Variants in CDH13 observed in about 807,000 individuals in gnomAD.
CDH13 encodes the protein cadherin 13.
CDH13 carries 24 observed loss-of-function variants against 63.8 expected under a neutral mutation model. The observed-to-expected ratio is 0.38, with a 90% CI of 0.27 to 0.53. The LOEUF (loss-of-function observed/expected upper bound fraction) is 0.53, where lower values mean the gene tolerates loss of function less well. Ranked by LOEUF, CDH13 falls within the 20% of genes least tolerant of loss-of-function variation. The probability of loss-of-function intolerance (pLI) is 0.85; values close to 1 mark genes in which losing one functional copy is unlikely to be tolerated. For synonymous variants in CDH13, 503 were observed against 355.3 expected, an observed-to-expected ratio of 1.42 and a Z score of -4.67; for missense variants, 1,049 against 903.1, an observed-to-expected ratio of 1.16 and a Z score of -2.07.
At position 82,898,163 on chromosome 16, in the gene CDH13, C is replaced by T. The variant is rs117993804; in HGVS notation, c.157+39690C>T. Among the ~76,000 whole-genome samples, 41 of 152,258 alleles carry T rather than the reference C, an allele frequency of 2.7e-4. 1 individual carries two copies. The highest frequency in any genetic ancestry group is 1.7e-3 in the East Asian group (9 of 5,182). ...TAGTTTTTGGTCATATAATGTTAAA[C>T]GAAACATATTGTTAAAATTAATTCC... On this transcript the variant is annotated intron_variant, in intron 2 of 13. Coordinates refer to ENST00000567109, the MANE Select transcript of CDH13 (RefSeq NM_001257.5).
At chr16:82,847,546 C>T (rs750868882) in intron 1 of CDH13, among the ~76,000 whole-genome samples, 6 of 152,202 alleles carry the variant, frequency 3.9e-5, no homozygotes, top group African/African-American at 1.4e-4. Context: ...TTCAAAGATA[C>T]CTGTGATTAC....
At chr16:82,659,263 C>T (rs901327556) in intron 1 of CDH13, among the ~76,000 whole-genome samples, 1 of 152,204 alleles carries the variant, frequency 6.6e-6, no homozygotes, top group African/African-American at 2.4e-5. Context: ...GTTTAGAATG[C>T]TTGCCAGCAG....
intron 1 of CDH13, among the ~76,000 whole-genome samples, chr16:82,684,178 C>T (rs1408981797): frequency 6.6e-6 from 1 of 152,220 alleles, no homozygotes; most frequent in Non-Finnish European, 1.5e-5. Flanking sequence ...GGTTTTGACA[C>T]CTGAAGACAT....
chr16:83,055,573 A>G (rs2030840202), intron 3 of CDH13, among the ~76,000 whole-genome samples: 1 of 152,012 alleles, frequency 6.6e-6, no homozygotes, highest in Non-Finnish European at 1.5e-5. Flanking sequence ...AAAAAGAAAT[A>G]TAAAATCTGG....
chr16:82,742,024 C>G (rs1158584572), intron 1 of CDH13, among the ~76,000 whole-genome samples: 1 of 152,122 alleles, frequency 6.6e-6, no homozygotes, highest in Non-Finnish European at 1.5e-5. Flanking sequence ...TTGAAACACT[C>G]TAAATTTCTT....
At chr16:82,844,060 A>G (rs1248592206) in intron 1 of CDH13, among the ~76,000 whole-genome samples, 2 of 152,196 alleles carry the variant, frequency 1.3e-5, no homozygotes, top group Admixed American at 1.3e-4. Context: ...TGGTCCCGTA[A>G]TAAGTCTACA....
intron 5 of CDH13, among the ~76,000 whole-genome samples, chr16:83,319,791 C>G (rs960234075): frequency 2.0e-5 from 3 of 152,118 alleles, no homozygotes; most frequent in African/African-American, 7.2e-5. Context: ...ACAGGGAAAG[C>G]TTGAATGGGC....
chr16:83,127,922 C>A lies in CDH13; in HGVS notation c.483+2421C>A, dbSNP rs190847441. ...AGCTGCTCTAAAGGGATAGCCCTGT[C>A]CCCTTGGGCAGCCCTAGCCACTGTG... is the stretch of plus-strand genomic sequence containing the variant. On this transcript the variant is annotated intron_variant, in intron 4 of 13. Coordinates refer to ENST00000567109, the MANE Select transcript of CDH13 (RefSeq NM_001257.5). Among the ~76,000 whole-genome samples, 647 of 152,262 alleles carry A rather than the reference C, an allele frequency of 4.2e-3. 10 individuals carry two copies. The highest frequency in any genetic ancestry group is 0.015 in the African/African-American group (622 of 41,550).
intron 2 of CDH13, among the ~76,000 whole-genome samples, chr16:83,019,406 A>T (rs1320050259): frequency 6.6e-6 from 1 of 151,990 alleles, no homozygotes; most frequent in East Asian, 1.9e-4. Flanking sequence ...GGGTTATAAC[A>T]CGCATGGAGC....
At chr16:83,576,266 C>T (rs1405541564) in intron 7 of CDH13, among the ~76,000 whole-genome samples, 1 of 152,230 alleles carries the variant, frequency 6.6e-6, no homozygotes, top group Non-Finnish European at 1.5e-5. Context: ...CAATCTGTGA[C>T]ATTTTCGTGT....
chr16:83,324,791 A>G, intron 5 of CDH13, among the ~76,000 whole-genome samples: 1 of 152,202 alleles, frequency 6.6e-6, no homozygotes, highest in East Asian at 1.9e-4. Flanking sequence ...ATCATATCAT[A>G]TGCTCACTCT....
chr16:82,946,647 G>C (rs1904748769), intron 2 of CDH13, among the ~76,000 whole-genome samples: 1 of 152,088 alleles, frequency 6.6e-6, no homozygotes, highest in Non-Finnish European at 1.5e-5. Flanking sequence ...CTTGAAACCA[G>C]GAGGTGGAGG....
chr16:82,669,881 T>G (rs1913034892), intron 1 of CDH13, among the ~76,000 whole-genome samples: 1 of 152,254 alleles, frequency 6.6e-6, no homozygotes, highest in Admixed American at 6.5e-5. Flanking sequence ...GCTTATGTGC[T>G]AAATATTTCT....
chr16:83,254,631 T>C (rs1333681677), intron 5 of CDH13, among the ~76,000 whole-genome samples: 2 of 152,162 alleles, frequency 1.3e-5, no homozygotes, highest in Non-Finnish European at 2.9e-5. Flanking sequence ...TTATTGTGCT[T>C]AGTTGTGCAA....
chr16:83,280,746 A>G (rs986762925), intron 5 of CDH13, among the ~76,000 whole-genome samples: 1 of 152,170 alleles, frequency 6.6e-6, no homozygotes, highest in Admixed American at 6.5e-5. Flanking sequence ...AGTCAAAATT[A>G]CTCCTTGATC....
At chr16:83,038,254 C>G (rs1407869641) in intron 3 of CDH13, among the ~76,000 whole-genome samples, 1 of 152,148 alleles carries the variant, frequency 6.6e-6, no homozygotes, top group African/African-American at 2.4e-5. Context: ...TTATTTTTAC[C>G]TGCTACTTAT....
At chr16:82,775,916 AG>A (rs1296457471) in intron 1 of CDH13, among the ~76,000 whole-genome samples, 1 of 152,202 alleles carries the variant, frequency 6.6e-6, no homozygotes, top group Non-Finnish European at 1.5e-5. Flanking sequence ...GCAGTAAGAA[AG>A]GGCACTATCA....
At chr16:82,791,273 C>A (rs1333945607) in intron 1 of CDH13, among the ~76,000 whole-genome samples, 4 of 150,650 alleles carry the variant, frequency 2.7e-5, no homozygotes, top group Non-Finnish European at 5.9e-5. Flanking sequence ...CTAAGCCTAG[C>A]TGGGGAAGGT....
chr16:82,913,493 A>G (rs1008057407), intron 2 of CDH13, among the ~76,000 whole-genome samples: 7 of 152,138 alleles, frequency 4.6e-5, no homozygotes, highest in African/African-American at 1.4e-4. Context: ...CCAGGCCACA[A>G]CTATTTTACT....
Sources: allele counts gnomAD v4.1 joint callset (sites outside exome capture counted in the v4.1 genomes callset), GRCh38; gene constraint gnomAD v4.1.1; transcripts MANE v1.5; gene names NCBI Gene and HGNC (gene_info 2026-07-23, HGNC 2026-07-21).